Variants in XDH observed in about 807,000 individuals in gnomAD.
XDH encodes xanthine dehydrogenase.
XDH carries 138 observed loss-of-function variants against 156.1 expected under a neutral mutation model. The ratio of observed to expected loss-of-function variants is 0.88; its 90% CI spans 0.77 to 1.02. The LOEUF is 1.02. XDH is among the 50% of genes least tolerant of loss of function. XDH has a pLI of 0.00. For synonymous variants in XDH, 669 were observed against 625.7 expected (o/e 1.07, Z -1.03); for missense variants, 1,849 against 1,684.9 (o/e 1.10, Z -1.71).
rs369661345 is a variant in XDH at position 31,397,776 on chromosome 2, T to G, written c.434-47A>C. Reference sequence around the variant, plus strand: ...GCAATGTCAGTGCAGGGCCCTGGGATGGGTGAGGAGTTTGTGACTTTGCTT... The same window carrying G: ...GCAATGTCAGTGCAGGGCCCTGGGAGGGGTGAGGAGTTTGTGACTTTGCTT... On this transcript the variant is annotated intron_variant, in intron 5 of 35. Coordinates refer to ENST00000379416, the MANE Select transcript of XDH (RefSeq NM_000379.4). The G allele has an allele frequency of 8.3e-5, 134 of 1,610,898 alleles. 1 individual carries two copies. The highest frequency in any genetic ancestry group is 1.1e-4 in the Non-Finnish European group (128 of 1,177,268).
At position 31,401,281 on chromosome 2, in the gene XDH, T is replaced by A. The variant is rs1214730040; in HGVS notation, c.245A>T (p.His82Leu). 1.2e-6 allele frequency: 2 copies of A among 1,614,142 alleles called. No homozygotes were observed. Among genetic ancestry groups the A allele is most frequent in the South Asian group, 1.1e-5 (1 of 91,078 alleles). ...ACLAPICSLHHVAVTTVEGIG... is the reference protein window; with the variant it reads ...ACLAPICSLHLVAVTTVEGIG... The stretch of plus-strand genomic sequence containing the variant: ...TCCTTCCACAGTTGTCACTGCAACA[T>A]GGTGCAAGGAGCAGATGGGGGCCAG... Residue 82 changes from histidine to leucine, a missense_variant, in exon 4 of 36, where the codon CAT (histidine) becomes CTT (leucine). Coordinates refer to ENST00000379416, the MANE Select transcript of XDH (RefSeq NM_000379.4).
At chr2:31,365,767 A>G (rs1269807259) in intron 22 of XDH, among the ~76,000 whole-genome samples, 1 of 152,172 alleles carries the variant, frequency 6.6e-6, no homozygotes, top group Non-Finnish European at 1.5e-5. Flanking sequence ...AGTAGGAGAG[A>G]TCAGAGGTGG....
chr2:31,379,400 G>A lies in XDH; in HGVS notation c.1242+467C>T, dbSNP rs1471996341. 6.6e-5 allele frequency among the ~76,000 whole-genome samples: 10 copies of A among 152,118 alleles called. No individual in the cohort carries two copies. In the East Asian group the frequency reaches 1.2e-3, roughly 18 times the overall value. ...ACATGAACCCCACATTCTTTACCAC[G>A]GGAAAGCAAATTTCCTCTGACATGG... On this transcript the variant is annotated intron_variant, in intron 13 of 35. Coordinates refer to ENST00000379416, the MANE Select transcript of XDH (RefSeq NM_000379.4).
intron 24 of XDH, among the ~76,000 whole-genome samples, chr2:31,354,527 A>G (rs1685574833): frequency 6.6e-6 from 1 of 152,222 alleles, no homozygotes; most frequent in African/African-American, 2.4e-5. Context: ...TTGTGAACAC[A>G]CTTGACAGAA....
At chr2:31,345,861 T>C (rs1217260668) in intron 30 of XDH, among the ~76,000 whole-genome samples, 1 of 152,206 alleles carries the variant, frequency 6.6e-6, no homozygotes, top group Non-Finnish European at 1.5e-5. Context: ...GATAGAACAT[T>C]GTTGTCGGGA....
At chr2:31,343,313 T>TGC (rs1685182888) in intron 31 of XDH, among the ~76,000 whole-genome samples, 1 of 136,378 alleles carries the variant, frequency 7.3e-6, no homozygotes, top group Non-Finnish European at 1.6e-5. Flanking sequence ...TATATATATA[T>TGC]ATATATATAT....
At chr2:31,365,786 G>A (rs896765262) in intron 22 of XDH, among the ~76,000 whole-genome samples, 190 bp downstream of exon 22, 1 of 152,204 alleles carries the variant, frequency 6.6e-6, no homozygotes, top group Non-Finnish European at 1.5e-5. Context: ...GGATACCTGT[G>A]CCAGACCACA....
At chr2:31,380,878 A>G (rs1218963836) in intron 12 of XDH, among the ~76,000 whole-genome samples, 1 of 152,252 alleles carries the variant, frequency 6.6e-6, no homozygotes, top group Non-Finnish European at 1.5e-5. Context: ...AACAGATGCA[A>G]ATAACTCCAG....
At chr2:31,396,614 T>C (rs921480565) in intron 6 of XDH, among the ~76,000 whole-genome samples, 2 of 152,180 alleles carry the variant, frequency 1.3e-5, no homozygotes, top group Non-Finnish European at 2.9e-5. Context: ...CAAAAATAAT[T>C]ACAGTTTTTC....
chr2:31,369,842 T>C (rs1216506156), intron 18 of XDH, among the ~76,000 whole-genome samples: 7 of 152,242 alleles, frequency 4.6e-5, no homozygotes, highest in Non-Finnish European at 1.5e-5. Context: ...CTATTGGAAT[T>C]ACAAAATGAC....
Position 31,342,215 on chromosome 2 carries a change from C to T in XDH, c.3487G>A (p.Val1163Ile). The change falls in exon 32 of 36, where the codon GTA becomes ATA. Residue 1163 changes from valine (V) to isoleucine (I), a missense_variant. Physicochemically the swap from Val to Ile is conservative, Grantham distance 29. Coordinates refer to ENST00000379416, the MANE Select transcript of XDH (RefSeq NM_000379.4). ...TCTCCTGTTAGGCAGTCGATTTCTACTTCAGAGCAAGCCACCCCATAGCTG... is the reference window on the plus strand; with the variant it reads ...TCTCCTGTTAGGCAGTCGATTTCTATTTCAGAGCAAGCCACCCCATAGCTG... The part of the protein sequence containing the change: ...YFSYGVACSE[V>I]EIDCLTGDHK... 2 of 1,614,096 alleles carry T rather than the reference C, an allele frequency of 1.2e-6. No homozygotes were observed. The highest frequency in any genetic ancestry group is 1.7e-6 in the Non-Finnish European group (2 of 1,179,960).
At chr2:31,400,616 C>G (rs572290351) in intron 4 of XDH, among the ~76,000 whole-genome samples, 203 of 152,274 alleles carry the variant, frequency 1.3e-3, no homozygotes, top group Non-Finnish European at 2.6e-3. Flanking sequence ...CCCATTTGCC[C>G]CAGAAATGTT....
rs777792030 is a variant in XDH at position 31,386,437 on chromosome 2, A to C, written c.770T>G (p.Leu257Arg). The change falls in exon 9 of 36, where the codon CTG becomes CGG. Residue 257 changes from leucine (L) to arginine (R), a missense_variant. Coordinates refer to ENST00000379416, the MANE Select transcript of XDH (RefSeq NM_000379.4). ...DLKAQHPDAK[L>R]VVGNTEIGIE... The stretch of plus-strand genomic sequence containing the variant: ...ACCAATCTCCGTGTTCCCCACGACC[A>C]GCTTGGCGTCAGGGTGCTGAGCCTT... 6.2e-7 allele frequency: 1 copy of C among 1,613,830 alleles called. No homozygotes were observed. The highest frequency in any genetic ancestry group is 1.1e-5 in the South Asian group (1 of 91,066).
chr2:31,361,073 A>G (rs1043091742), intron 24 of XDH, among the ~76,000 whole-genome samples: 5 of 152,220 alleles, frequency 3.3e-5, no homozygotes, highest in Admixed American at 3.3e-4. Flanking sequence ...ACTAATTCCA[A>G]CTGTTGAAGT....
rs543177007 is a variant in XDH, at chr2:31,347,582, C to G, written c.3216G>C (p.Val1072=). The G allele has an allele frequency of 6.2e-7, 1 of 1,614,156 alleles. No homozygotes were observed. Among genetic ancestry groups the G allele is most frequent in the Non-Finnish European group, 8.5e-7 (1 of 1,180,038 alleles). The change falls in exon 29 of 36, where the codon GTG becomes GTC. Residue 1072 remains valine, a synonymous_variant. Coordinates refer to ENST00000379416, the MANE Select transcript of XDH (RefSeq NM_000379.4). ...AGGCAGCCGTGGGAGAGGTGTTGGGCACAGTGTTAGTGCTTGTCTCGCTGA... is the reference window on the plus strand; with the variant it reads ...AGGCAGCCGTGGGAGAGGTGTTGGGGACAGTGTTAGTGCTTGTCTCGCTGA... ...IYISETSTNT[V]PNTSPTAASV...
Position 31,402,147 on chromosome 2 carries a change from C to T in XDH, c.198-819G>A, listed in dbSNP as rs938209267. The stretch of plus-strand genomic sequence containing the variant: ...GAGTCTTAACTTGAGCTACTTCTTA[C>T]GAATATCTTTATATTAAAAAAAAGC... On this transcript the variant is annotated intron_variant, in intron 3 of 35. Coordinates refer to ENST00000379416, the MANE Select transcript of XDH (RefSeq NM_000379.4). Among the ~76,000 whole-genome samples the T allele has an allele frequency of 1.1e-3, 165 of 152,154 alleles. 2 individuals are homozygous for T. The highest frequency in any genetic ancestry group is 3.6e-3 in the African/African-American group (151 of 41,520).
At chr2:31,386,355 G>T in intron 9 of XDH, 59 bp downstream of exon 9, 1 of 1,601,152 alleles carries the variant, frequency 6.2e-7, no homozygotes, top group Non-Finnish European at 8.5e-7. Flanking sequence ...ATGGGCAAGA[G>T]GACCTAGAAA....
At chr2:31,351,324 A>G (rs1179275276) in intron 24 of XDH, among the ~76,000 whole-genome samples, 3 of 152,106 alleles carry the variant, frequency 2.0e-5, no homozygotes, top group Non-Finnish European at 4.4e-5. Flanking sequence ...TGTACTTATT[A>G]CTAAGCCAAC....
chr2:31,381,931 G>T (rs548236215), intron 11 of XDH, among the ~76,000 whole-genome samples: 6 of 152,258 alleles, frequency 3.9e-5, no homozygotes, highest in Admixed American at 3.3e-4. Flanking sequence ...ACTTGAGATT[G>T]GATCCCCACT....
Sources: gnomAD v4.1 joint callset for allele counts (sites outside exome capture counted in the v4.1 genomes callset) on GRCh38, gnomAD v4.1.1 for gene constraint, MANE v1.5 for transcripts, NCBI Gene and HGNC (gene_info 2026-07-23, HGNC 2026-07-21) for gene names.